PLEKHG1: variants seen among roughly 807,000 people sequenced by gnomAD.
PLEKHG1 encodes pleckstrin homology and RhoGEF domain containing G1.
PLEKHG1 carries 44 observed loss-of-function variants against 100.8 expected under a neutral mutation model. The ratio of observed to expected loss-of-function variants is 0.44; its 90% CI spans 0.34 to 0.56. The LOEUF is 0.56. Among genes scored for constraint, PLEKHG1 ranks in the 20% least tolerant of loss-of-function variants. The pLI, the probability that PLEKHG1 is intolerant of heterozygous loss-of-function variation, is 0.01. For synonymous variants in PLEKHG1, 640 were observed against 662.5 expected, an observed-to-expected ratio of 0.97 and a Z score of 0.52; for missense variants, 1,545 against 1,720.9, an observed-to-expected ratio of 0.90 and a Z score of 1.81.
intron 1 of PLEKHG1, among the ~76,000 whole-genome samples, chr6:150,620,387 C>T (rs1189727902): frequency 1.3e-5 from 2 of 152,200 alleles, no homozygotes; most frequent in Non-Finnish European, 2.9e-5. Flanking sequence ...TGTGCCCAGG[C>T]CAGACCTAGT....
chr6:150,685,226 C>T (rs1022943733), intron 3 of PLEKHG1, among the ~76,000 whole-genome samples: 1 of 152,094 alleles, frequency 6.6e-6, no homozygotes, highest in African/African-American at 2.4e-5. Context: ...GATGCCACCC[C>T]ACTCCCACAG....
At position 150,831,511 on chromosome 6, in the gene PLEKHG1, T is replaced by C; in HGVS notation, c.2400T>C (p.His800=). Residue 800 remains histidine (H), a synonymous_variant, in exon 15 of 16, where the codon CAT becomes CAC. Coordinates refer to ENST00000358517, the Ensembl canonical transcript of PLEKHG1. This position sits in a 1 kb window ranked among gnomAD's most constrained non-coding sequence, Gnocchi z 4.1. ...TCAGTGAGGACGAAGCCCCTTACCA[T>C]CAGGCCACTCCCGATCATGGTTATC... 6.2e-7 allele frequency: 1 copy of C among 1,614,060 alleles called. No homozygotes were observed. The highest frequency in any genetic ancestry group is 8.5e-7 in the Non-Finnish European group (1 of 1,179,974).
chr6:150,707,303 C>G (rs1781062579), intron 3 of PLEKHG1, among the ~76,000 whole-genome samples: 2 of 152,074 alleles, frequency 1.3e-5, no homozygotes, highest in Admixed American at 1.3e-4. Context: ...CATGCCAGGC[C>G]TGTGTTTCAT....
At chr6:150,744,711 A>G (rs1297178650) in intron 2 of PLEKHG1, among the ~76,000 whole-genome samples, 1 of 152,312 alleles carries the variant, frequency 6.6e-6, no homozygotes, top group East Asian at 1.9e-4. Flanking sequence ...GACATCCCTC[A>G]GTGTCACCCT....
chr6:150,640,236 T>C (rs943702935), intron 2 of PLEKHG1, among the ~76,000 whole-genome samples: 1 of 152,288 alleles, frequency 6.6e-6, no homozygotes, highest in African/African-American at 2.4e-5. Flanking sequence ...AGCTCATGAC[T>C]GACTCTCCTA....
At chr6:150,672,990 G>GCAGT (rs763357199) in intron 3 of PLEKHG1, among the ~76,000 whole-genome samples, 17 of 152,092 alleles carry the variant, frequency 1.1e-4, no homozygotes, top group Non-Finnish European at 2.2e-4. Flanking sequence ...ACTGTGTTTG[G>GCAGT]CAGTCATGGT....
At chr6:150,665,544 C>T (rs981530180) in intron 3 of PLEKHG1, among the ~76,000 whole-genome samples, 13 of 151,970 alleles carry the variant, frequency 8.6e-5, no homozygotes, top group South Asian at 2.1e-4. Flanking sequence ...GCAGGAGAAT[C>T]GCTTGAACCC....
intron 10 of PLEKHG1, among the ~76,000 whole-genome samples, chr6:150,813,041 C>T (rs1415338997): frequency 4.6e-5 from 7 of 152,070 alleles, no homozygotes; most frequent in Admixed American, 4.6e-4. Flanking sequence ...CGCGGTGGCT[C>T]ACACCTGTAA....
At chr6:150,609,501 A>AGT (rs768908320) in intron 1 of PLEKHG1, among the ~76,000 whole-genome samples, 19 of 152,022 alleles carry the variant, frequency 1.2e-4, no homozygotes, top group Middle Eastern at 3.4e-3. Context: ...CAAGGCAGCC[A>AGT]GTGTGTGTGT....
chr6:150,789,748 A>G (rs538098680), intron 4 of PLEKHG1, among the ~76,000 whole-genome samples: 1 of 152,268 alleles, frequency 6.6e-6, no homozygotes, highest in South Asian at 2.1e-4. Context: ...AAAGCAAGAA[A>G]CTCAAAAAGT....
chr6:150,771,376 CA>C (rs1784706985), intron 3 of PLEKHG1, among the ~76,000 whole-genome samples: 1 of 151,884 alleles, frequency 6.6e-6, no homozygotes, highest in Non-Finnish European at 1.5e-5. Flanking sequence ...GAGATCGCGC[CA>C]CTGCACTCCA....
At chr6:150,750,637 C>A (rs1306583400) in intron 2 of PLEKHG1, among the ~76,000 whole-genome samples, 2 of 150,952 alleles carry the variant, frequency 1.3e-5, no homozygotes, top group African/African-American at 4.9e-5. Flanking sequence ...AAAAATTAGC[C>A]GGGCGTAGTG....
upstream of PLEKHG1, among the ~76,000 whole-genome samples, chr6:150,716,140 G>C (rs1044316750): frequency 6.6e-6 from 1 of 150,962 alleles, no homozygotes; most frequent in South Asian, 2.1e-4. Context: ...AAATGTGACC[G>C]CATGCCTTGT....
chr6:150,618,993 G>T (rs747989431), intron 1 of PLEKHG1, among the ~76,000 whole-genome samples: 1 of 152,166 alleles, frequency 6.6e-6, no homozygotes, highest in Non-Finnish European at 1.5e-5. Context: ...TGAGACTGGA[G>T]GATTGCTTGA....
At chr6:150,792,257 T>C (rs1308931319) in intron 4 of PLEKHG1, among the ~76,000 whole-genome samples, 1 of 151,214 alleles carries the variant, frequency 6.6e-6, no homozygotes, top group Non-Finnish European at 1.5e-5. Context: ...CTTGGGAGGC[T>C]GAGGCAGGAG....
intron 1 of PLEKHG1, among the ~76,000 whole-genome samples, chr6:150,621,599 T>C (rs913602555): frequency 3.3e-5 from 5 of 152,140 alleles, no homozygotes; most frequent in Admixed American, 1.3e-4. Context: ...AGTCTTGAAC[T>C]CCTGACCTCA....
At chr6:150,636,502 A>T (rs1289703394) in intron 1 of PLEKHG1, among the ~76,000 whole-genome samples, 1 of 150,178 alleles carries the variant, frequency 6.7e-6, no homozygotes, top group East Asian at 1.9e-4. Flanking sequence ...TTTTTGGTTC[A>T]CTAGGGTCTT....
chr6:150,655,148 TC>T (rs769426977), intron 3 of PLEKHG1, among the ~76,000 whole-genome samples: 3 of 152,242 alleles, frequency 2.0e-5, no homozygotes, highest in Non-Finnish European at 2.9e-5. Context: ...TAAAAAAGTC[TC>T]CTAGAGAAAT....
At chr6:150,827,760 G>A (rs1313463081) in intron 14 of PLEKHG1, 13 of 1,413,004 alleles carry the variant, frequency 9.2e-6, no homozygotes, top group East Asian at 4.6e-5. Context: ...GGAAGAGGAG[G>A]CAGAAGAGGA....
Sources: allele counts gnomAD v4.1 joint callset (sites outside exome capture counted in the v4.1 genomes callset), GRCh38; gene constraint gnomAD v4.1.1; non-coding constraint Gnocchi (gnomAD v3.1); transcripts MANE v1.5; gene names NCBI Gene and HGNC (gene_info 2026-07-23, HGNC 2026-07-21).